The following PTER variants were observed in gnomAD, a reference collection of about 807,000 sequenced individuals.
PTER encodes phosphotriesterase related, also known as N-acetyltaurine hydrolase.
In PTER, 38 loss-of-function variants were observed where a neutral mutation model predicts 29.6. That is an observed-to-expected ratio of 1.28 (90% CI 0.99 to 1.68). PTER has a LOEUF of 1.68. Ranked by LOEUF, PTER falls within the 40% of genes most tolerant of loss-of-function variation. The pLI, the probability that PTER is intolerant of heterozygous loss-of-function variation, is 0.00. For synonymous variants in PTER, 172 were observed against 154.5 expected (o/e 1.11, Z -0.84); for missense variants, 482 against 427.8 (o/e 1.13, Z -1.12).
intron 4 of PTER, among the ~76,000 whole-genome samples, chr10:16,507,884 A>C (rs1836637841): frequency 6.6e-6 from 1 of 152,132 alleles, no homozygotes; most frequent in African/African-American, 2.4e-5. Context: ...ATACAGGTGA[A>C]CCTGTTCCCC....
At position 16,509,988 on chromosome 10, in the gene PTER, A is replaced by G. The variant is rs184945735; in HGVS notation, c.840-1058A>G. On this transcript the variant is annotated intron_variant, in intron 4 of 4. Coordinates refer to ENST00000535784, the MANE Select transcript of PTER (RefSeq NM_001261836.2). ...AGTAGTTATTAAATATGACTCATGT[A>G]CTAGGACACCAAGAAATGCTTTTGA... is the stretch of plus-strand genomic sequence containing the variant. Among the ~76,000 whole-genome samples the G allele has an allele frequency of 5.9e-5, 9 of 152,320 alleles. No homozygotes were observed. In the East Asian group the frequency reaches 1.2e-3, roughly 20 times the overall value.
rs768392333 is a variant in PTER, at chr10:16,511,047, G to A, written c.841G>A (p.Val281Met). 2 of 1,611,320 alleles carry A rather than the reference G, an allele frequency of 1.2e-6. No individual in the cohort carries two copies. The highest frequency in any genetic ancestry group is 1.3e-5 in the African/African-American group (1 of 74,974). ...CTAATGAGTTAACATTTTTCACAGGGTGCGTCTCCTGGTGGAAGAGGGCTG... is the reference window on the plus strand; with the variant it reads ...CTAATGAGTTAACATTTTTCACAGGATGCGTCTCCTGGTGGAAGAGGGCTG... ...MPDDNKRIRR[V>M]RLLVEEGCED... The change falls in exon 5 of 5, where the codon GTG becomes ATG. Residue 281 changes from valine to methionine, a missense_variant and splice_region_variant. Transcript: ENST00000535784.
Position 16,513,650 on chromosome 10 carries a change from T to A in PTER, c.*2394T>A, listed in dbSNP as rs1836895583. 6.6e-6 allele frequency: 1 copy of A among 152,598 alleles called. No homozygotes were observed. The highest frequency in any genetic ancestry group is 1.9e-4 in the East Asian group (1 of 5,202). 9.5% of individuals were successfully genotyped at this position (152,598 alleles called of 1,614,324 possible). On this transcript the variant is annotated 3_prime_UTR_variant, in exon 5 of 5. Coordinates refer to ENST00000535784, the MANE Select transcript of PTER (RefSeq NM_001261836.2). ...TGCAGCAGCTCAAATTAAACCTTTG[T>A]GCATTGGGTTATGAATAATCTTTTC...
chr10:16,445,686 C>T (rs1833990273), intron 1 of PTER, among the ~76,000 whole-genome samples: 2 of 152,198 alleles, frequency 1.3e-5, no homozygotes, highest in South Asian at 4.1e-4. Context: ...AAAGAGGCCA[C>T]TTGTCTCCGA....
downstream of PTER, among the ~76,000 whole-genome samples, chr10:16,518,402 A>G (rs1588641466): frequency 2.0e-5 from 3 of 152,230 alleles, no homozygotes; most frequent in South Asian, 2.1e-4. Context: ...AATATTACCA[A>G]TGAAAAGACT....
chr10:16,491,337 A>G (rs1835890745), intron 3 of PTER, among the ~76,000 whole-genome samples: 1 of 152,210 alleles, frequency 6.6e-6, no homozygotes, highest in Non-Finnish European at 1.5e-5. Flanking sequence ...AAAAATAATC[A>G]GGGAGGCAGA....
intron 4 of PTER, among the ~76,000 whole-genome samples, chr10:16,509,425 G>A (rs1035857833): frequency 6.6e-6 from 1 of 152,124 alleles, no homozygotes; most frequent in Admixed American, 6.5e-5. Flanking sequence ...TCTGACAAAG[G>A]ACATCTTAAA....
At chr10:16,469,198 C>A (rs1026506075) in intron 1 of PTER, among the ~76,000 whole-genome samples, 1 of 152,000 alleles carries the variant, frequency 6.6e-6, no homozygotes, top group Non-Finnish European at 1.5e-5. Flanking sequence ...GCTGGATTTG[C>A]AAGCTGAGAG....
At chr10:16,488,279 T>C (rs1369145914) in intron 3 of PTER, among the ~76,000 whole-genome samples, 2 of 152,106 alleles carry the variant, frequency 1.3e-5, no homozygotes, top group Non-Finnish European at 1.5e-5. Context: ...CTTTGAATTC[T>C]AACTCTCATT....
chr10:16,496,327 C>T lies in PTER; in HGVS notation c.699-8693C>T, dbSNP rs78442294. ...TCACCTTTGCCTCAGGCACAAAATC[C>T]GAAGGTCTTGGTCTTCTGGTTCCCT... On this transcript the variant is annotated intron_variant, in intron 3 of 4. Coordinates refer to ENST00000535784, the MANE Select transcript of PTER (RefSeq NM_001261836.2). Among the ~76,000 whole-genome samples, 417 of 152,290 alleles carry T rather than the reference C, an allele frequency of 2.7e-3. 1 individual carries two copies. Among genetic ancestry groups the T allele is most frequent in the African/African-American group, 9.7e-3 (402 of 41,566 alleles).
chr10:16,494,516 C>G (rs1476637044), intron 3 of PTER, among the ~76,000 whole-genome samples: 2 of 152,108 alleles, frequency 1.3e-5, no homozygotes, highest in Non-Finnish European at 1.5e-5. Context: ...TCTCCAATAT[C>G]AAAAATATTG....
At chr10:16,475,143 T>A (rs900903943) in intron 1 of PTER, among the ~76,000 whole-genome samples, 3 of 152,128 alleles carry the variant, frequency 2.0e-5, no homozygotes, top group African/African-American at 7.2e-5. Context: ...ATACTGTTAC[T>A]GGGGATTAGG....
intron 1 of PTER, among the ~76,000 whole-genome samples, chr10:16,483,904 T>C (rs1192855077): frequency 1.3e-5 from 2 of 152,134 alleles, no homozygotes; most frequent in Admixed American, 1.3e-4. Flanking sequence ...TTAATTTAGC[T>C]AAAAAGTGAC....
chr10:16,483,837 G>A (rs1835575229), intron 1 of PTER, among the ~76,000 whole-genome samples: 1 of 151,950 alleles, frequency 6.6e-6, no homozygotes, highest in Non-Finnish European at 1.5e-5. Flanking sequence ...GGGCAACAGA[G>A]CAAGACTCTC....
intron 3 of PTER, among the ~76,000 whole-genome samples, chr10:16,501,760 A>G (rs746236762): frequency 6.6e-6 from 1 of 152,228 alleles, no homozygotes; most frequent in African/African-American, 2.4e-5. Flanking sequence ...GCCATACAGT[A>G]TGGTGGTTTA....
intron 1 of PTER, among the ~76,000 whole-genome samples, chr10:16,457,285 T>C (rs1008567699): frequency 1.3e-5 from 2 of 152,074 alleles, no homozygotes; most frequent in African/African-American, 2.4e-5. Flanking sequence ...CGATCTCGGC[T>C]CACTGCAAGC....
chr10:16,508,731 A>C (rs1836694422), intron 4 of PTER, among the ~76,000 whole-genome samples: 1 of 152,142 alleles, frequency 6.6e-6, no homozygotes, highest in African/African-American at 2.4e-5. Flanking sequence ...ACGTACGTGT[A>C]TGTGTGTGTG....
chr10:16,514,501 A>G (rs374984474), downstream of PTER: 1 of 1,598,426 alleles, frequency 6.3e-7, no homozygotes. Context: ...GTTCAAACTC[A>G]GAATAATAAG....
Position 16,500,751 on chromosome 10 carries a change from T to C in PTER, c.699-4269T>C, listed in dbSNP as rs138600123. ...TTTATTTTTTATTTGTTTATATTTC[T>C]TTTTTTAGAGTCAGGGGCTCACTCT... On this transcript the variant is annotated intron_variant, in intron 3 of 4. Coordinates refer to ENST00000535784, the MANE Select transcript of PTER (RefSeq NM_001261836.2). Among the ~76,000 whole-genome samples the C allele has an allele frequency of 1.8e-3, 275 of 152,154 alleles. 2 individuals carry two copies. The highest frequency in any genetic ancestry group is 6.2e-3 in the African/African-American group (257 of 41,524).
Sources: allele counts gnomAD v4.1 joint callset (sites outside exome capture counted in the v4.1 genomes callset), GRCh38; gene constraint gnomAD v4.1.1; transcripts MANE v1.5; gene names NCBI Gene and HGNC (gene_info 2026-07-23, HGNC 2026-07-21).